Variants in LYPLA1 observed in about 807,000 individuals in gnomAD.
The protein encoded by LYPLA1 is lysophospholipase 1, also known as acyl-protein thioesterase 1.
In LYPLA1, 17 loss-of-function variants were observed where a neutral mutation model predicts 34.0. The observed-to-expected ratio is 0.50, with a 90% CI of 0.34 to 0.75. The LOEUF is 0.75. Ranked by LOEUF, LYPLA1 falls within the 30% of genes least tolerant of loss-of-function variation. The pLI, the probability that LYPLA1 is intolerant of heterozygous loss-of-function variation, is 0.01. For missense variants in LYPLA1, 203 were observed against 288.8 expected (o/e 0.70, Z 2.15); for synonymous variants, 98 against 100.8 (o/e 0.97, Z 0.17).
intron 5 of LYPLA1, among the ~76,000 whole-genome samples, chr8:54,058,439 G>C (rs550600529): frequency 6.6e-6 from 1 of 152,152 alleles, no homozygotes. Context: ...AGCTACTTGG[G>C]AGGCTGAGAC....
At chr8:54,044,117 T>C (rs2129318612), downstream of LYPLA1, among the ~76,000 whole-genome samples, 1 of 152,090 alleles carries the variant, frequency 6.6e-6, no homozygotes, top group African/African-American at 2.4e-5. Context: ...GTCTCTTAAC[T>C]CCTACCTTCA....
intron 5 of LYPLA1, among the ~76,000 whole-genome samples, chr8:54,057,302 CT>C (rs762848429): frequency 6.6e-6 from 1 of 151,980 alleles, no homozygotes; most frequent in Non-Finnish European, 1.5e-5. Context: ...GGGTATATAT[CT>C]TTTGGGATAT....
chr8:54,069,269 AAACG>A (rs1807295192), intron 2 of LYPLA1, among the ~76,000 whole-genome samples: 1 of 152,262 alleles, frequency 6.6e-6, no homozygotes, highest in Non-Finnish European at 1.5e-5. Context: ...CAATGCAAAG[AAACG>A]ATAAATGTTT....
intron 8 of LYPLA1, among the ~76,000 whole-genome samples, chr8:54,048,678 C>T (rs1276031602): frequency 6.6e-6 from 1 of 152,118 alleles, no homozygotes; most frequent in Non-Finnish European, 1.5e-5. Context: ...GCTCAGTTTT[C>T]TCACCTCCCT....
At chr8:54,070,164 T>G (rs564242603) in intron 2 of LYPLA1, among the ~76,000 whole-genome samples, 1 of 152,212 alleles carries the variant, frequency 6.6e-6, no homozygotes, top group African/African-American at 2.4e-5. Context: ...AAAAAATATG[T>G]CCAGTACAGA....
At chr8:54,085,853 TG>T (rs1217130245) in intron 2 of LYPLA1, among the ~76,000 whole-genome samples, 41 of 131,176 alleles carry the variant, frequency 3.1e-4, no homozygotes, top group African/African-American at 1.0e-3. Flanking sequence ...GTCCGCGAGG[TG>T]GGGGGGGCGC....
intron 2 of LYPLA1, among the ~76,000 whole-genome samples, chr8:54,067,203 A>G (rs2042642290): frequency 6.6e-6 from 1 of 152,062 alleles, no homozygotes; most frequent in African/African-American, 2.4e-5. Flanking sequence ...TAAAATAAAA[A>G]CAGCAACTTT....
At chr8:54,076,144 T>C (rs966124386) in intron 2 of LYPLA1, among the ~76,000 whole-genome samples, 12 of 152,172 alleles carry the variant, frequency 7.9e-5, no homozygotes, top group Admixed American at 7.2e-4. Flanking sequence ...TTGTGGAAAC[T>C]ATTAAATGCT....
At chr8:54,067,693 A>ATT (rs762583097) in intron 2 of LYPLA1, among the ~76,000 whole-genome samples, 45 of 135,506 alleles carry the variant, frequency 3.3e-4, no homozygotes, top group Middle Eastern at 3.8e-3. Context: ...ATGAATGTTA[A>ATT]TTTTTTTTTT....
intron 1 of LYPLA1, 142 bp downstream of exon 1, chr8:54,101,613 G>C: frequency 8.7e-7 from 1 of 1,147,628 alleles, no homozygotes; most frequent in Non-Finnish European, 1.1e-6. Context: ...CCGGCCGCGC[G>C]GACCATTCGC....
At chr8:54,073,482 T>C (rs1586128904) in intron 2 of LYPLA1, 1 of 755,324 alleles carries the variant, frequency 1.3e-6, no homozygotes, top group Non-Finnish European at 2.5e-6. Flanking sequence ...TGGCATCTCA[T>C]AGCTTCCAGG....
intron 2 of LYPLA1, chr8:54,100,193 G>A (rs1586194671): frequency 6.6e-6 from 1 of 152,012 alleles, no homozygotes; most frequent in Admixed American, 6.6e-5. Context: ...TCTAAAGTTA[G>A]TACAAAAGGC....
intron 2 of LYPLA1, among the ~76,000 whole-genome samples, chr8:54,074,421 G>A (rs1314406637): frequency 1.3e-5 from 2 of 152,218 alleles, no homozygotes; most frequent in Non-Finnish European, 2.9e-5. Context: ...AAAATGCTCA[G>A]TTACAATTTC....
chr8:54,059,842 G>A (rs1806471204), intron 5 of LYPLA1, among the ~76,000 whole-genome samples: 1 of 152,194 alleles, frequency 6.6e-6, no homozygotes, highest in Non-Finnish European at 1.5e-5. Flanking sequence ...AGTTGCTGGA[G>A]ACCAGGAATT....
intron 5 of LYPLA1, among the ~76,000 whole-genome samples, chr8:54,060,424 C>T (rs932019078): frequency 1.3e-5 from 2 of 152,044 alleles, no homozygotes; most frequent in African/African-American, 4.8e-5. Flanking sequence ...CGTGCCCGGC[C>T]TCCTGTGCAT....
chr8:54,048,121 G>A lies in LYPLA1; in HGVS notation c.640-3C>T, dbSNP rs372447255. 6.3e-6 allele frequency: 10 copies of A among 1,598,728 alleles called. No individual in the cohort carries two copies. The highest frequency in any genetic ancestry group is 8.6e-6 in the Non-Finnish European group (10 of 1,167,040). On this transcript the variant is annotated splice_region_variant and splice_polypyrimidine_tract_variant and intron_variant, in intron 8 of 8. Coordinates refer to ENST00000316963, the MANE Select transcript of LYPLA1 (RefSeq NM_006330.4). ...AATTGCTTGACATCCATCATTTCCT[G>A]TTTGGAATAAAGTAATTTAATAGGT...
intron 2 of LYPLA1, among the ~76,000 whole-genome samples, chr8:54,082,588 G>C (rs1346700818): frequency 6.6e-6 from 1 of 152,110 alleles, no homozygotes; most frequent in Non-Finnish European, 1.5e-5. Context: ...CAAAGTGTTT[G>C]AATTAAAGGT....
chr8:54,071,259 G>A (rs920053960), intron 2 of LYPLA1, among the ~76,000 whole-genome samples: 1 of 152,134 alleles, frequency 6.6e-6, no homozygotes, highest in African/African-American at 2.4e-5. Context: ...GAAAGGAAAC[G>A]GACACAGCTG....
At chr8:54,093,471 G>A (rs1809461946) in intron 2 of LYPLA1, among the ~76,000 whole-genome samples, 1 of 152,184 alleles carries the variant, frequency 6.6e-6, no homozygotes, top group Non-Finnish European at 1.5e-5. Flanking sequence ...AAAGCCGGGA[G>A]TTATCAGAAA....
Sources: gnomAD v4.1 joint callset for allele counts (sites outside exome capture counted in the v4.1 genomes callset) on GRCh38, gnomAD v4.1.1 for gene constraint, MANE v1.5 for transcripts, NCBI Gene and HGNC (gene_info 2026-07-23, HGNC 2026-07-21) for gene names.